UBA6: variants seen among roughly 807,000 people sequenced by gnomAD.
The protein encoded by UBA6 is ubiquitin like modifier activating enzyme 6, also known as ubiquitin-like modifier-activating enzyme 6.
In UBA6, 87 loss-of-function variants were observed where a neutral mutation model predicts 148.3. That is an observed-to-expected ratio of 0.59 (90% confidence interval 0.49 to 0.70). UBA6 has a LOEUF of 0.70. UBA6 is among the 30% of genes least tolerant of loss of function. The pLI is 0.00. For missense variants in UBA6, 1,186 were observed against 1,241.2 expected, an observed-to-expected ratio of 0.96 and a Z score of 0.67; for synonymous variants, 376 against 401.0, an observed-to-expected ratio of 0.94 and a Z score of 0.75.
chr4:67,637,578 G>A (rs913232478), intron 19 of UBA6, among the ~76,000 whole-genome samples: 1 of 150,518 alleles, frequency 6.6e-6, no homozygotes, highest in Non-Finnish European at 1.5e-5. Flanking sequence ...ACTCCATTTT[G>A]TTCTGTACTA....
At chr4:67,682,440 C>T (rs896587120) in intron 2 of UBA6, among the ~76,000 whole-genome samples, 1 of 152,108 alleles carries the variant, frequency 6.6e-6, no homozygotes, top group South Asian at 2.1e-4. Context: ...AGGCAATAGA[C>T]AGATGGAGGT....
rs749902312 is a variant in UBA6, at chr4:67,639,002, AG to A, written c.1676del (p.Thr559IlefsTer5). 6.2e-7 allele frequency: 1 copy of A among 1,610,416 alleles called. No individual in the cohort carries two copies. Among genetic ancestry groups the A allele is most frequent in the South Asian group, 1.1e-5 (1 of 90,434 alleles). On this transcript the variant is annotated frameshift_variant, in exon 19 of 33. Transcript: ENST00000322244. LOFTEE classifies it high-confidence loss of function. Reference protein sequence around the residue: ...TETIYNDEFYTKQDVIITALD... With the variant: ...TETIYNDEFYXKQDVIITALD... Reference sequence around the variant, plus strand: ...ATGCTGTAATAATTACATCTTGTTTAGTATAGAACTCATCATTGTAAATGGT... The same window carrying A: ...ATGCTGTAATAATTACATCTTGTTTATATAGAACTCATCATTGTAAATGGT...
At chr4:67,652,644 A>T (rs1729580379) in intron 13 of UBA6, among the ~76,000 whole-genome samples, 1 of 152,042 alleles carries the variant, frequency 6.6e-6, no homozygotes, top group South Asian at 2.1e-4. Context: ...TTTCCAACTG[A>T]GGTATCTGGT....
At chr4:67,652,755 G>A (rs1729583800) in intron 13 of UBA6, among the ~76,000 whole-genome samples, 2 of 152,360 alleles carry the variant, frequency 1.3e-5, no homozygotes, top group African/African-American at 4.8e-5. Context: ...GGGGTCAGGG[G>A]ATTTCCCTTT....
At chr4:67,694,357 A>T (rs1323700699) in intron 2 of UBA6, among the ~76,000 whole-genome samples, 2 of 148,004 alleles carry the variant, frequency 1.4e-5, no homozygotes, top group African/African-American at 4.9e-5. Flanking sequence ...TTATTGTGTG[A>T]AAATCTCACA....
chr4:67,669,911 T>C (rs1164769271), intron 8 of UBA6, among the ~76,000 whole-genome samples: 1 of 152,098 alleles, frequency 6.6e-6, no homozygotes, highest in East Asian at 1.9e-4. Flanking sequence ...TTAAAATTTA[T>C]GACAAGCAAA....
Position 67,626,470 on chromosome 4 carries a change from T to A in UBA6, c.2408A>T (p.Gln803Leu), listed in dbSNP as rs1237185373. The change falls in exon 28 of 33, where the codon CAA becomes CTA. Residue 803 changes from glutamine to leucine, a missense_variant. Gln to Leu is a moderately radical substitution (Grantham distance 113, BLOSUM62 -2). Coordinates refer to ENST00000322244, the MANE Select transcript of UBA6 (RefSeq NM_018227.6). ...TGGTTTCCTTGCAGTTTCATCTGTT[T>A]GAACAACCTTTGAATATATGAATAT... ...QEFKPSNKVV[Q>L]TDETARKPDH... 6.3e-7 allele frequency: 1 copy of A among 1,597,472 alleles called. No homozygotes were observed. Among genetic ancestry groups the A allele is most frequent in the South Asian group, 1.1e-5 (1 of 89,954 alleles).
intron 13 of UBA6, among the ~76,000 whole-genome samples, chr4:67,650,632 A>T (rs1488232558): frequency 6.6e-6 from 1 of 152,210 alleles, no homozygotes; most frequent in Non-Finnish European, 1.5e-5. Flanking sequence ...GACAGATTGC[A>T]AACTCCATCA....
chr4:67,653,849 GA>G (rs1204718279), intron 13 of UBA6, among the ~76,000 whole-genome samples: 1 of 152,198 alleles, frequency 6.6e-6, no homozygotes, highest in Non-Finnish European at 1.5e-5. Context: ...TAAATGACCT[GA>G]TGGAGCTGAA....
chr4:67,660,400 G>A (rs1174643147), intron 13 of UBA6, among the ~76,000 whole-genome samples: 4 of 152,196 alleles, frequency 2.6e-5, no homozygotes, highest in African/African-American at 9.7e-5. Flanking sequence ...TTTGTGCAGT[G>A]TCAGGACATG....
intron 6 of UBA6, among the ~76,000 whole-genome samples, chr4:67,675,304 T>C (rs2109944253): frequency 6.6e-6 from 1 of 152,372 alleles, no homozygotes; most frequent in East Asian, 1.9e-4. Context: ...CCTGGTTCTT[T>C]ATCACATCTG....
At chr4:67,694,346 G>T (rs1211664929) in intron 2 of UBA6, among the ~76,000 whole-genome samples, 4 of 146,794 alleles carry the variant, frequency 2.7e-5, no homozygotes, top group Admixed American at 6.8e-5. Flanking sequence ...ATAAGAGCTG[G>T]TTATTGTGTG....
chr4:67,676,899 GAA>G (rs33997749), intron 6 of UBA6, among the ~76,000 whole-genome samples: 2 of 128,104 alleles, frequency 1.6e-5, no homozygotes, highest in Non-Finnish European at 1.7e-5. Flanking sequence ...TTTACTCACA[GAA>G]AAAAAAAAAA....
intron 2 of UBA6, among the ~76,000 whole-genome samples, chr4:67,691,067 C>T (rs1159499280): frequency 2.0e-5 from 3 of 151,894 alleles, no homozygotes; most frequent in Non-Finnish European, 2.9e-5. Context: ...GGGTTTCAAA[C>T]ACACAGGTCC....
intron 27 of UBA6, among the ~76,000 whole-genome samples, chr4:67,628,007 A>G (rs991468592): frequency 6.8e-6 from 1 of 146,516 alleles, no homozygotes; most frequent in Admixed American, 6.9e-5. Context: ...TTTTCCATCC[A>G]TTATACAGTA....
chr4:67,631,636 A>T (rs1215901925), intron 25 of UBA6, 72 bp downstream of exon 25: 1 of 1,126,702 alleles, frequency 8.9e-7, no homozygotes, highest in African/African-American at 1.6e-5. Context: ...TCACTCTGCA[A>T]TGTACAGTTA....
At chr4:67,621,909 G>T (rs375189086) in intron 32 of UBA6, among the ~76,000 whole-genome samples, 1 of 152,100 alleles carries the variant, frequency 6.6e-6, no homozygotes, top group African/African-American at 2.4e-5. Context: ...AGAGTAAAGG[G>T]GACTAGACAT....
intron 26 of UBA6, among the ~76,000 whole-genome samples, chr4:67,629,843 G>A (rs1355079284): frequency 1.3e-5 from 2 of 152,040 alleles, no homozygotes; most frequent in Non-Finnish European, 2.9e-5. Context: ...AACAGCCAGT[G>A]TTAATTATGG....
At chr4:67,681,883 T>C (rs1224035974) in intron 3 of UBA6, among the ~76,000 whole-genome samples, 2 of 152,206 alleles carry the variant, frequency 1.3e-5, no homozygotes, top group African/African-American at 4.8e-5. Context: ...TTAATGGATA[T>C]AGAGAATGAT....
Sources: allele counts gnomAD v4.1 joint callset (sites outside exome capture counted in the v4.1 genomes callset), GRCh38; gene constraint gnomAD v4.1.1; transcripts MANE v1.5; gene names NCBI Gene and HGNC (gene_info 2026-07-23, HGNC 2026-07-21).